GAS7: variants seen among roughly 807,000 people sequenced by gnomAD.
GAS7 encodes growth arrest-specific protein 7.
GAS7 carries 28 observed loss-of-function variants against 71.1 expected under a neutral mutation model. That is an observed-to-expected ratio of 0.39 (90% CI 0.29 to 0.54). The LOEUF is 0.54. GAS7 is among the 20% of genes least tolerant of loss of function. The pLI is 0.62. For missense variants in GAS7, 436 were observed against 627.8 expected (o/e 0.69, Z 3.27); for synonymous variants, 258 against 245.8 (o/e 1.05, Z -0.46).
At chr17:9,987,744 A>C (rs2070698065) in intron 2 of GAS7, among the ~76,000 whole-genome samples, 1 of 152,230 alleles carries the variant, frequency 6.6e-6, no homozygotes, top group Non-Finnish European at 1.5e-5. Context: ...AATAATAATA[A>C]ATTTTAAAAA....
At chr17:10,137,716 T>C (rs1203627298) in intron 1 of GAS7, among the ~76,000 whole-genome samples, 1 of 151,922 alleles carries the variant, frequency 6.6e-6, no homozygotes, top group African/African-American at 2.4e-5. Context: ...ATTTTTTGTA[T>C]TTTTAGTAGA....
chr17:10,185,754 T>C (rs1305521553), intron 1 of GAS7, among the ~76,000 whole-genome samples: 1 of 152,098 alleles, frequency 6.6e-6, no homozygotes, highest in African/African-American at 2.4e-5. Flanking sequence ...CACAACCCAA[T>C]AGAAATATAA....
At chr17:10,073,486 C>T (rs908400773) in intron 1 of GAS7, among the ~76,000 whole-genome samples, 2 of 152,186 alleles carry the variant, frequency 1.3e-5, no homozygotes, top group Admixed American at 6.5e-5. Context: ...TGACAATCTA[C>T]ACCTTGCTAC....
At chr17:10,132,944 C>T (rs977529967) in intron 1 of GAS7, among the ~76,000 whole-genome samples, 3 of 151,830 alleles carry the variant, frequency 2.0e-5, no homozygotes, top group African/African-American at 7.3e-5. Context: ...CTTCTTTTCA[C>T]CGAAAGACTT....
intron 1 of GAS7, among the ~76,000 whole-genome samples, chr17:10,076,799 C>T (rs943082782): frequency 6.6e-6 from 1 of 151,722 alleles, no homozygotes; most frequent in Non-Finnish European, 1.5e-5. Flanking sequence ...GAATCCTGTA[C>T]GAGGGCTGCC....
At chr17:10,023,907 T>C (rs558468150) in intron 1 of GAS7, among the ~76,000 whole-genome samples, 16 of 152,294 alleles carry the variant, frequency 1.1e-4, no homozygotes, top group African/African-American at 3.6e-4. Flanking sequence ...GTGGATTACC[T>C]GAGGTCAGGA....
intron 1 of GAS7, among the ~76,000 whole-genome samples, chr17:10,160,967 C>CAA (rs1368458581): frequency 6.8e-6 from 1 of 147,682 alleles, no homozygotes; most frequent in African/African-American, 2.4e-5. Context: ...CACACACACA[C>CAA]ACACACACAC....
chr17:9,948,370 C>T (rs545693190), intron 5 of GAS7, among the ~76,000 whole-genome samples: 10 of 152,296 alleles, frequency 6.6e-5, no homozygotes, highest in East Asian at 1.9e-4. Flanking sequence ...GTGTATCATA[C>T]GAACAAATAC....
intron 1 of GAS7, among the ~76,000 whole-genome samples, chr17:10,081,060 A>G (rs2073451801): frequency 1.3e-5 from 2 of 152,276 alleles, no homozygotes; most frequent in East Asian, 3.8e-4. Flanking sequence ...ATAACAAACA[A>G]TAAAAGGAAA....
intron 1 of GAS7, among the ~76,000 whole-genome samples, chr17:10,170,315 A>C (rs1489097706): frequency 6.6e-6 from 1 of 151,098 alleles, no homozygotes; most frequent in Non-Finnish European, 1.5e-5. Flanking sequence ...CTTTGGCCCC[A>C]CCCACCCCTC....
intron 1 of GAS7, among the ~76,000 whole-genome samples, chr17:10,126,782 C>T (rs1241007137): frequency 1.3e-5 from 2 of 152,214 alleles, no homozygotes; most frequent in Non-Finnish European, 2.9e-5. Flanking sequence ...GACTATGCTC[C>T]GGAACCAAGC....
At position 9,916,561 on chromosome 17, in the gene GAS7, C is replaced by A. The variant is rs956090054; in HGVS notation, c.*667G>T. ...CCTGATCTCATGGGACACGATTCAG[C>A]GCTCAATTTGGGGCTAATTTGCCGA... On this transcript the variant is annotated 3_prime_UTR_variant, in exon 14 of 14. Coordinates refer to ENST00000432992, the MANE Select transcript of GAS7 (RefSeq NM_201433.2). 1 of 244,668 alleles carries A rather than the reference C, an allele frequency of 4.1e-6. No homozygotes were observed. The highest frequency in any genetic ancestry group is 7.9e-6 in the Non-Finnish European group (1 of 126,088). 15.2% of individuals were successfully genotyped at this position (244,668 alleles called of 1,614,324 possible). A position where few individuals can be genotyped will look rare whatever the true frequency, so the allele number is the denominator to read the frequency against.
chr17:10,078,774 T>G (rs1265454939), intron 1 of GAS7, among the ~76,000 whole-genome samples: 1 of 152,112 alleles, frequency 6.6e-6, no homozygotes, highest in East Asian at 1.9e-4. Context: ...AAGGGCCAGG[T>G]GCAGCAGCTC....
chr17:10,146,430 G>C (rs998515081), intron 1 of GAS7, among the ~76,000 whole-genome samples: 2 of 152,156 alleles, frequency 1.3e-5, no homozygotes, highest in Non-Finnish European at 2.9e-5. Context: ...CCCCGCAAGA[G>C]TCAGGGAGTG....
chr17:10,042,292 CAAAAAAAAAAA>C (rs58391348), intron 1 of GAS7, among the ~76,000 whole-genome samples: 2 of 95,606 alleles, frequency 2.1e-5, no homozygotes, highest in Admixed American at 1.2e-4. Context: ...GAGACTCCGT[CAAAAAAAAAAA>C]AAAAAAAAAA....
rs1321351602 is a variant in GAS7, at chr17:9,913,299, AG to A, written c.*3928del. ...GCTGATCTGTACCCCACTTAACATT[AG>A]AAGTGCTCTCTCCGACCTACACAAG... On this transcript the variant is annotated 3_prime_UTR_variant, in exon 14 of 14. Transcript: ENST00000432992. 1 of 232,392 alleles carries A rather than the reference AG, an allele frequency of 4.3e-6. No homozygotes were observed. The highest frequency in any genetic ancestry group is 8.5e-6 in the Non-Finnish European group (1 of 117,428). 14.4% of individuals were successfully genotyped at this position (232,392 alleles called of 1,614,324 possible).
At chr17:9,962,031 G>A (rs2069516850) in intron 4 of GAS7, among the ~76,000 whole-genome samples, 1 of 152,058 alleles carries the variant, frequency 6.6e-6, no homozygotes, top group Admixed American at 6.5e-5. Context: ...CTTATAACTT[G>A]GCTAGGATAG....
chr17:9,999,265 C>T (rs1188157408), intron 2 of GAS7, among the ~76,000 whole-genome samples: 5 of 152,098 alleles, frequency 3.3e-5, no homozygotes, highest in Non-Finnish European at 7.3e-5. Flanking sequence ...TGCTTGTGAT[C>T]CCAGCACTTT....
chr17:10,106,162 C>T (rs2073754416), intron 1 of GAS7, among the ~76,000 whole-genome samples: 1 of 152,212 alleles, frequency 6.6e-6, no homozygotes, highest in Non-Finnish European at 1.5e-5. Context: ...GCCTCCACAT[C>T]CCCAAAAGTG....
Sources: allele counts gnomAD v4.1 joint callset (sites outside exome capture counted in the v4.1 genomes callset), GRCh38; gene constraint gnomAD v4.1.1; transcripts MANE v1.5; gene names NCBI Gene and HGNC (gene_info 2026-07-23, HGNC 2026-07-21).